Variants in SOX5 observed in about 807,000 individuals in gnomAD.
The protein encoded by SOX5 is SRY-box transcription factor 5.
A neutral mutation model predicts 92.0 loss-of-function variants in SOX5; 9 were observed. That is an observed-to-expected ratio of 0.10 (90% CI 0.06 to 0.17). SOX5 has a LOEUF of 0.17. SOX5 is among the 10% of genes least tolerant of loss of function. SOX5 has a pLI of 1.00. For synonymous variants in SOX5, 344 were observed against 336.3 expected (o/e 1.02, Z -0.25); for missense variants, 642 against 944.5 (o/e 0.68, Z 4.20).
At chr12:23,924,544 G>T (rs1225255092) in intron 1 of SOX5, among the ~76,000 whole-genome samples, 1 of 152,090 alleles carries the variant, frequency 6.6e-6, no homozygotes, top group East Asian at 1.9e-4. Context: ...GGTGATGCAG[G>T]TTTAAATCAG....
chr12:23,652,067 G>T (rs1257826297), intron 7 of SOX5, among the ~76,000 whole-genome samples: 1 of 151,822 alleles, frequency 6.6e-6, no homozygotes, highest in Admixed American at 6.6e-5. Flanking sequence ...CATCTAAATT[G>T]TTAAAAACTA....
chr12:23,548,677 G>T (rs1250041316), intron 11 of SOX5, among the ~76,000 whole-genome samples: 3 of 151,792 alleles, frequency 2.0e-5, no homozygotes, highest in South Asian at 4.1e-4. Flanking sequence ...AATAAATTCA[G>T]AAGAAAAAGA....
intron 1 of SOX5, among the ~76,000 whole-genome samples, chr12:23,947,438 GAT>G (rs1330231984): frequency 2.0e-5 from 3 of 151,844 alleles, no homozygotes; most frequent in Non-Finnish European, 2.9e-5. Context: ...GTGTCTACAT[GAT>G]ACACTGTATC....
rs543751081 is a variant in SOX5 at position 24,167,196 on chromosome 12, G to A, written c.-2+46147C>T. Among the ~76,000 whole-genome samples the A allele has an allele frequency of 4.6e-5, 7 of 152,224 alleles. 1 individual carries two copies. The highest frequency in any genetic ancestry group is 4.1e-4 in the South Asian group (2 of 4,820). ...GACATTCTATCTTTAGGAGGATAAC[G>A]ATAGTTGTATGATTTTTTACAAGGA... On this transcript the variant is annotated intron_variant, in intron 4 of 4. Coordinates refer to the SOX5 transcript ENST00000446891.
At chr12:23,557,099 G>A (rs1358331518) in intron 11 of SOX5, among the ~76,000 whole-genome samples, 2 of 152,144 alleles carry the variant, frequency 1.3e-5, no homozygotes, top group Non-Finnish European at 2.9e-5. Context: ...GGAAAGAAAA[G>A]GGTTGGACAA....
intron 4 of SOX5, among the ~76,000 whole-genome samples, chr12:24,174,239 T>C (rs2139178630): frequency 6.6e-6 from 1 of 152,266 alleles, no homozygotes; most frequent in Admixed American, 6.5e-5. Flanking sequence ...GCTCAAGTGA[T>C]CTGCCCACCT....
At chr12:24,474,110 C>T (rs772615786) in intron 1 of SOX5, among the ~76,000 whole-genome samples, 1 of 151,812 alleles carries the variant, frequency 6.6e-6, no homozygotes, top group African/African-American at 2.4e-5. Flanking sequence ...GGACTAAATA[C>T]CTGGAAGGCA....
intron 1 of SOX5, among the ~76,000 whole-genome samples, chr12:24,444,474 T>C (rs1170856340): frequency 1.3e-5 from 2 of 152,218 alleles, no homozygotes; most frequent in Non-Finnish European, 2.9e-5. Flanking sequence ...GGAAATCTAT[T>C]TGAATTCCCC....
At chr12:24,260,287 G>C (rs1012873902) in intron 3 of SOX5, among the ~76,000 whole-genome samples, 3 of 152,212 alleles carry the variant, frequency 2.0e-5, no homozygotes, top group African/African-American at 7.2e-5. Flanking sequence ...TTAGTACTGA[G>C]TTATATGGGA....
At chr12:24,376,025 TAAG>T (rs758943675) in intron 1 of SOX5, among the ~76,000 whole-genome samples, 8 of 152,282 alleles carry the variant, frequency 5.3e-5, no homozygotes, top group Non-Finnish European at 1.0e-4. Context: ...TAAGATTCAC[TAAG>T]AAAGATGACC....
At chr12:24,178,908 A>G (rs1427375506) in intron 4 of SOX5, among the ~76,000 whole-genome samples, 1 of 152,206 alleles carries the variant, frequency 6.6e-6, no homozygotes. Context: ...CCCATCTTTG[A>G]CAAGTTCCAG....
chr12:23,766,236 T>C (rs373346235), intron 3 of SOX5, among the ~76,000 whole-genome samples: 62 of 152,306 alleles, frequency 4.1e-4, no homozygotes, highest in African/African-American at 1.4e-3. Flanking sequence ...TCTCATCTTG[T>C]CTATAATGAG....
At chr12:23,853,245 G>T (rs2096652534) in intron 2 of SOX5, among the ~76,000 whole-genome samples, 1 of 150,594 alleles carries the variant, frequency 6.6e-6, no homozygotes, top group Admixed American at 6.6e-5. Context: ...ATATAGATTA[G>T]GAAATCTCAG....
At chr12:24,169,996 A>G (rs9805099) in intron 4 of SOX5, among the ~76,000 whole-genome samples, 149,689 of 152,256 alleles carry the variant, frequency 0.98, 73,605 homozygotes, top group East Asian at 1. Flanking sequence ...CAATAACGGA[A>G]GCTAATAAAC....
chr12:24,031,748 GA>G (rs901213319), intron 4 of SOX5, among the ~76,000 whole-genome samples: 7 of 147,286 alleles, frequency 4.8e-5, no homozygotes, highest in South Asian at 2.1e-4. Context: ...CATGCAGCAT[GA>G]AAAAAAAAAT....
At chr12:24,212,915 CAGAGA>C (rs1272602221) in intron 4 of SOX5, among the ~76,000 whole-genome samples, 1 of 152,084 alleles carries the variant, frequency 6.6e-6, no homozygotes, top group Non-Finnish European at 1.5e-5. Context: ...GAGTACATGG[CAGAGA>C]AGAGAAGAAA....
Position 23,779,814 on chromosome 12 carries a change from T to TATAC in SOX5, c.482-24091_482-24090insGTAT, listed in dbSNP as rs777013504. Among the ~76,000 whole-genome samples the TATAC allele has an allele frequency of 2.6e-3, 284 of 110,788 alleles. 3 individuals are homozygous for TATAC. The highest frequency in any genetic ancestry group is 7.0e-3 in the African/African-American group (189 of 27,050). 72.7% of individuals were successfully genotyped at this position (110,788 alleles called of 152,430 possible). A position where few individuals can be genotyped will look rare whatever the true frequency, so the allele number is the denominator to read the frequency against. On this transcript the variant is annotated intron_variant, in intron 3 of 14. Coordinates refer to ENST00000451604, the MANE Select transcript of SOX5 (RefSeq NM_006940.6). ...ATATATATATATATATATATATATA[T>TATAC]ACACACACACACACACACACACACA...
intron 1 of SOX5, among the ~76,000 whole-genome samples, chr12:24,379,507 T>C (rs1443939546): frequency 2.0e-5 from 3 of 152,222 alleles, no homozygotes; most frequent in African/African-American, 7.2e-5. Flanking sequence ...AATCAGAGTC[T>C]TTCCTTAAGA....
At chr12:23,535,492 G>C (rs1048108757) in intron 14 of SOX5, among the ~76,000 whole-genome samples, 1 of 152,134 alleles carries the variant, frequency 6.6e-6, no homozygotes, top group African/African-American at 2.4e-5. Flanking sequence ...CCTCATTTTT[G>C]CATCTGGTCC....
Sources: gnomAD v4.1 joint callset for allele counts (sites outside exome capture counted in the v4.1 genomes callset) on GRCh38, gnomAD v4.1.1 for gene constraint, MANE v1.5 for transcripts, NCBI Gene and HGNC (gene_info 2026-07-23, HGNC 2026-07-21) for gene names.